The following PLCE1 variants were observed in gnomAD, a reference collection of about 807,000 sequenced individuals.
PLCE1 encodes the protein 1-phosphatidylinositol 4,5-bisphosphate phosphodiesterase epsilon-1.
PLCE1 carries 119 observed loss-of-function variants against 242.8 expected under a neutral mutation model. That is an observed-to-expected ratio of 0.49 (90% CI 0.42 to 0.57). The LOEUF (loss-of-function observed/expected upper bound fraction) is 0.57, where lower values mean the gene tolerates loss of function less well. Among genes scored for constraint, PLCE1 ranks in the 20% least tolerant of loss-of-function variants. The probability of loss-of-function intolerance (pLI) is 0.00; values close to 1 mark genes in which losing one functional copy is unlikely to be tolerated. For missense variants in PLCE1, 2,441 were observed against 2,788.8 expected (o/e 0.88, Z 2.81); for synonymous variants, 945 against 1,017.4 (o/e 0.93, Z 1.35).
chr10:94,255,676 T>C (rs1197832977), intron 11 of PLCE1, among the ~76,000 whole-genome samples: 1 of 152,180 alleles, frequency 6.6e-6, no homozygotes, highest in East Asian at 1.9e-4. Context: ...AATCTAAAGC[T>C]GGATAAATTA....
At chr10:94,144,197 T>C (rs1402044855) in intron 3 of PLCE1, among the ~76,000 whole-genome samples, 1 of 152,188 alleles carries the variant, frequency 6.6e-6, no homozygotes, top group Admixed American at 6.5e-5. Context: ...AAGCCAGTAT[T>C]TGATCCTAAG....
chr10:94,023,386 A>G (rs1169791577), intron 1 of PLCE1, among the ~76,000 whole-genome samples: 1 of 152,172 alleles, frequency 6.6e-6, no homozygotes, highest in Non-Finnish European at 1.5e-5. Flanking sequence ...CTCTTTTCAT[A>G]TCATCAAAGT....
intron 11 of PLCE1, among the ~76,000 whole-genome samples, chr10:94,257,265 T>A (rs2051132021): frequency 6.6e-6 from 1 of 151,448 alleles, no homozygotes; most frequent in Admixed American, 6.6e-5. Context: ...GTTTTTAGAT[T>A]ATATATTTAA....
At chr10:94,181,285 T>C (rs1244605862) in intron 4 of PLCE1, among the ~76,000 whole-genome samples, 1 of 151,938 alleles carries the variant, frequency 6.6e-6, no homozygotes, top group East Asian at 1.9e-4. Context: ...TTTGAAAAGC[T>C]CCATGGGCCG....
At chr10:94,149,109 A>G (rs1168065809) in intron 3 of PLCE1, among the ~76,000 whole-genome samples, 1 of 152,240 alleles carries the variant, frequency 6.6e-6, no homozygotes, top group African/African-American at 2.4e-5. Flanking sequence ...AATTAGAGTC[A>G]GTTAAGAATG....
intron 18 of PLCE1, among the ~76,000 whole-genome samples, chr10:94,271,333 G>A (rs1250442510): frequency 1.8e-4 from 3 of 17,040 alleles, no homozygotes; most frequent in East Asian, 3.2e-3. Flanking sequence ...TTTTTTTTTT[G>A]CGATGGAGTC....
At chr10:94,166,598 G>A (rs1380943205) in intron 3 of PLCE1, among the ~76,000 whole-genome samples, 2 of 148,590 alleles carry the variant, frequency 1.3e-5, no homozygotes, top group Non-Finnish European at 2.9e-5. Flanking sequence ...GTGTGTGTGT[G>A]TGTGTGTGTG....
intron 4 of PLCE1, among the ~76,000 whole-genome samples, chr10:94,191,352 C>T (rs2797986): frequency 0.56 from 85,251 of 152,000 alleles, 25,027 homozygotes; most frequent in Non-Finnish European, 0.66. Flanking sequence ...GTTAAAGAAA[C>T]TTGGGCTGGA....
intron 3 of PLCE1, among the ~76,000 whole-genome samples, chr10:94,145,623 T>C (rs572837625): frequency 4.6e-5 from 7 of 152,150 alleles, no homozygotes; most frequent in Non-Finnish European, 8.8e-5. Context: ...CAGTGATCCA[T>C]ACTAACCCCC....
chr10:94,074,550 A>G (rs114505849), intron 2 of PLCE1, among the ~76,000 whole-genome samples: 102 of 152,300 alleles, frequency 6.7e-4, no homozygotes, highest in African/African-American at 2.4e-3. Flanking sequence ...TCCATTTTCT[A>G]TTCATGTCCT....
At chr10:94,228,338 A>T (rs1203854459) in intron 5 of PLCE1, among the ~76,000 whole-genome samples, 1 of 152,200 alleles carries the variant, frequency 6.6e-6, no homozygotes. Context: ...CCAGGAATCA[A>T]ATCCTGATTC....
intron 5 of PLCE1, among the ~76,000 whole-genome samples, chr10:94,228,682 G>T (rs1332595524): frequency 1.3e-5 from 2 of 152,066 alleles, no homozygotes; most frequent in East Asian, 3.9e-4. Context: ...AACTCCCAGA[G>T]TTCTAATTTT....
chr10:94,140,889 G>A (rs1564726514), intron 3 of PLCE1, among the ~76,000 whole-genome samples: 1 of 152,330 alleles, frequency 6.6e-6, no homozygotes, highest in East Asian at 1.9e-4. Flanking sequence ...GTAATATTGG[G>A]TGTGTTTCTC....
chr10:93,996,709 G>C (rs189210648), intron 1 of PLCE1, among the ~76,000 whole-genome samples: 4 of 152,162 alleles, frequency 2.6e-5, no homozygotes, highest in Non-Finnish European at 5.9e-5. Context: ...ATAGATTTTC[G>C]TGGGCCAGAT....
chr10:94,006,967 G>A (rs2061051640), intron 1 of PLCE1, among the ~76,000 whole-genome samples: 2 of 152,224 alleles, frequency 1.3e-5, no homozygotes, highest in South Asian at 4.1e-4. Flanking sequence ...GGTGGTGTCA[G>A]TGGCAATACA....
At chr10:94,134,162 A>G (rs943630039) in intron 3 of PLCE1, among the ~76,000 whole-genome samples, 4 of 150,000 alleles carry the variant, frequency 2.7e-5, no homozygotes, top group Non-Finnish European at 5.9e-5. Flanking sequence ...GTGCAGTGGC[A>G]TGATCTTGGC....
chr10:94,217,416 G>A (rs1286958834), intron 4 of PLCE1, among the ~76,000 whole-genome samples: 1 of 152,138 alleles, frequency 6.6e-6, no homozygotes, highest in East Asian at 1.9e-4. Flanking sequence ...TGTTAGTGAT[G>A]GATTTTAATC....
chr10:94,103,484 AC>A (rs2045614985), intron 2 of PLCE1, among the ~76,000 whole-genome samples: 1 of 152,132 alleles, frequency 6.6e-6, no homozygotes, highest in Admixed American at 6.5e-5. Context: ...CACGCAAAAG[AC>A]CATTTGTCAA....
intron 28 of PLCE1, chr10:94,315,027 T>C (rs2053520205): frequency 5.9e-6 from 1 of 169,494 alleles, no homozygotes; most frequent in Non-Finnish European, 1.3e-5. Flanking sequence ...TCCATTGCTT[T>C]ACTGTCACCC....
Sources: allele counts gnomAD v4.1 joint callset (sites outside exome capture counted in the v4.1 genomes callset), GRCh38; gene constraint gnomAD v4.1.1; transcripts MANE v1.5; gene names NCBI Gene and HGNC (gene_info 2026-07-23, HGNC 2026-07-21).